IREB2: variants seen among roughly 807,000 people sequenced by gnomAD.
The protein encoded by IREB2 is iron responsive element binding protein 2.
A neutral mutation model predicts 118.8 loss-of-function variants in IREB2; 39 were observed. That is an observed-to-expected ratio of 0.33 (90% CI 0.25 to 0.43). The LOEUF (loss-of-function observed/expected upper bound fraction) is 0.43, where lower values mean the gene tolerates loss of function less well. Among genes scored for constraint, IREB2 ranks in the 20% least tolerant of loss-of-function variants. The probability of loss-of-function intolerance (pLI) is 1.00; values close to 1 mark genes in which losing one functional copy is unlikely to be tolerated. For missense variants in IREB2, 900 were observed against 1,147.3 expected (o/e 0.78, Z 3.11); for synonymous variants, 372 against 392.2 (o/e 0.95, Z 0.61).
chr15:78,467,331 C>T (rs757848065), intron 5 of IREB2, among the ~76,000 whole-genome samples: 1 of 151,896 alleles, frequency 6.6e-6, no homozygotes, highest in Non-Finnish European at 1.5e-5. Flanking sequence ...AGTAAACATG[C>T]CTAGAAAAGA....
chr15:78,471,863 C>T lies in IREB2; in HGVS notation c.822C>T (p.Asp274=), dbSNP rs2051384573. The T allele has an allele frequency of 4.3e-6, 7 of 1,613,626 alleles. No homozygotes were observed. Among genetic ancestry groups the T allele is most frequent in the Non-Finnish European group, 5.9e-6 (7 of 1,179,750 alleles). The part of the protein sequence containing the change: ...VFEEKDLLFP[D]SVVGTDSHIT... ...AAGAAAAAGACCTCCTCTTCCCAGA[C>T]AGTGTAGTCGGCACAGATTCACACA... Residue 274 remains aspartate (D), a synonymous_variant, in exon 7 of 22, where the codon GAC becomes GAT. Transcript: ENST00000258886.
At chr15:78,482,133 G>A (rs2051584883) in intron 10 of IREB2, among the ~76,000 whole-genome samples, 1 of 152,182 alleles carries the variant, frequency 6.6e-6, no homozygotes, top group East Asian at 1.9e-4. Flanking sequence ...GTGGGGCTAA[G>A]GCGGGAGGAT....
chr15:78,495,204 T>A (rs2051820679), intron 20 of IREB2, among the ~76,000 whole-genome samples: 1 of 152,230 alleles, frequency 6.6e-6, no homozygotes. Flanking sequence ...TAATCTTTAA[T>A]ATCTCCTTTA....
At chr15:78,462,898 A>C (rs370889120) in intron 2 of IREB2, 24 bp from the exon 3 acceptor site, 2 of 1,545,090 alleles carry the variant, frequency 1.3e-6, no homozygotes, top group African/African-American at 2.8e-5. Context: ...TTTGCTTATT[A>C]ATAGTAATAT....
intron 3 of IREB2, among the ~76,000 whole-genome samples, chr15:78,463,748 A>T (rs1158793037): frequency 2.6e-5 from 4 of 152,082 alleles, no homozygotes; most frequent in Admixed American, 6.5e-5. Context: ...ATGCAGTCAT[A>T]GTTCACTGCA....
chr15:78,453,452 G>T (rs1185988412), intron 2 of IREB2, among the ~76,000 whole-genome samples: 1 of 152,180 alleles, frequency 6.6e-6, no homozygotes, highest in East Asian at 1.9e-4. Flanking sequence ...TACTTTTGTT[G>T]TCAACTGGGG....
intron 2 of IREB2, among the ~76,000 whole-genome samples, chr15:78,455,164 A>G (rs994412214): frequency 6.6e-6 from 1 of 152,202 alleles, no homozygotes; most frequent in African/African-American, 2.4e-5. Flanking sequence ...AGATTGAACC[A>G]CATTGACCCT....
intron 5 of IREB2, among the ~76,000 whole-genome samples, chr15:78,467,854 G>GT (rs969071815): frequency 4.0e-5 from 6 of 151,684 alleles, no homozygotes; most frequent in East Asian, 3.9e-4. Flanking sequence ...TCAAAAGTTG[G>GT]TTTTTTTTGT....
chr15:78,484,732 A>C, intron 11 of IREB2, 29 bp from the exon 12 acceptor site: 1 of 1,553,402 alleles, frequency 6.4e-7, no homozygotes, highest in African/African-American at 1.4e-5. Context: ...CAGAATATTT[A>C]GTTTATATTT....
intron 2 of IREB2, among the ~76,000 whole-genome samples, chr15:78,445,503 G>C (rs912916278): frequency 6.6e-6 from 1 of 152,222 alleles, no homozygotes; most frequent in African/African-American, 2.4e-5. Context: ...ATAGGTTGCA[G>C]TTTCCAGACA....
At chr15:78,492,342 G>C (rs2051764240) in intron 18 of IREB2, among the ~76,000 whole-genome samples, 1 of 102,202 alleles carries the variant, frequency 9.8e-6, no homozygotes, top group South Asian at 3.5e-4. Context: ...TCTGGGACTG[G>C]AAAATGTACA....
intron 5 of IREB2, among the ~76,000 whole-genome samples, chr15:78,470,307 A>G (rs1300049125): frequency 6.6e-6 from 1 of 152,208 alleles, no homozygotes; most frequent in Non-Finnish European, 1.5e-5. Flanking sequence ...TGGCTTTCTT[A>G]CACTCAGTAA....
chr15:78,469,204 A>G (rs1444653073), intron 5 of IREB2, among the ~76,000 whole-genome samples: 1 of 152,190 alleles, frequency 6.6e-6, no homozygotes, highest in East Asian at 1.9e-4. Context: ...AGATGAGAGC[A>G]TAACCTTTGG....
chr15:78,439,987 A>G (rs2050820128), intron 2 of IREB2, 106 bp downstream of exon 2: 1 of 719,902 alleles, frequency 1.4e-6, no homozygotes, highest in East Asian at 2.7e-5. Context: ...CCGTATTGTA[A>G]CAGGTACACC....
At chr15:78,455,062 G>A (rs922969144) in intron 2 of IREB2, among the ~76,000 whole-genome samples, 4 of 152,078 alleles carry the variant, frequency 2.6e-5, no homozygotes, top group Non-Finnish European at 5.9e-5. Flanking sequence ...CAGCTGCGGG[G>A]ACGGGGTGAA....
Position 78,487,765 on chromosome 15 carries a change from G to C in IREB2, c.1742G>C (p.Cys581Ser). The C allele has an allele frequency of 1.2e-6, 2 of 1,608,998 alleles. No individual in the cohort carries two copies. Among genetic ancestry groups the C allele is most frequent in the African/African-American group, 1.3e-5 (1 of 74,924 alleles). The change falls in exon 14 of 22, where the codon TGT becomes TCT. Residue 581 changes from cysteine (C) to serine (S), a missense_variant. Cys to Ser is a moderately radical substitution (Grantham distance 112). Coordinates refer to ENST00000258886, the MANE Select transcript of IREB2 (RefSeq NM_004136.4). ...FEIVGYGCSI[C>S]VGNTAPLSDA... is the part of the protein sequence containing the mutation. ...ATCGTTGGCTATGGATGTTCAATTT[G>C]TGTGGGAAATACAGCACCCTTATCA...
chr15:78,472,661 C>T (rs2051399628), intron 7 of IREB2, among the ~76,000 whole-genome samples: 1 of 152,190 alleles, frequency 6.6e-6, no homozygotes, highest in East Asian at 1.9e-4. Context: ...GCCACTGAGC[C>T]CAGCTAGCTA....
intron 2 of IREB2, among the ~76,000 whole-genome samples, chr15:78,449,395 G>A (rs1014284388): frequency 1.3e-5 from 2 of 152,152 alleles, no homozygotes; most frequent in African/African-American, 4.8e-5. Flanking sequence ...AGCAGGGGTT[G>A]CAAGCTCATG....
In IREB2 at chr15:78,476,254, T is replaced by C. The variant is rs754333891; in HGVS notation, c.1090T>C (p.Ser364Pro). The C allele has an allele frequency of 3.1e-6, 5 of 1,609,032 alleles. No homozygotes were observed. In the Admixed American group the frequency reaches 5.0e-5, roughly 16 times the overall value. The change falls in exon 9 of 22, where the codon TCT becomes CCT. Residue 364 changes from serine (S) to proline (P), a missense_variant. Transcript: ENST00000258886. ...EFFGSGVSQL[S>P]IVDRTTIANM... ...TTTTGGAAGTGGAGTTTCACAATTA[T>C]CTATAGTTGATCGAACTACAATAGC...
Sources: gnomAD v4.1 joint callset for allele counts (sites outside exome capture counted in the v4.1 genomes callset) on GRCh38, gnomAD v4.1.1 for gene constraint, MANE v1.5 for transcripts, NCBI Gene and HGNC (gene_info 2026-07-23, HGNC 2026-07-21) for gene names.